NEURL4: variants seen among roughly 807,000 people sequenced by gnomAD.
NEURL4 encodes the protein neuralized-like protein 4.
In NEURL4, 45 loss-of-function variants were observed where a neutral mutation model predicts 148.0. That is an observed-to-expected ratio of 0.30 (90% CI 0.24 to 0.39). The LOEUF is 0.39. Among genes scored for constraint, NEURL4 ranks in the 10% least tolerant of loss-of-function variants. The pLI is 1.00. For synonymous variants in NEURL4, 854 were observed against 869.0 expected (o/e 0.98, Z 0.30); for missense variants, 1,776 against 2,144.0 (o/e 0.83, Z 3.39).
Position 7,326,605 on chromosome 17 carries a change from C to T in NEURL4, c.1093-57G>A. 6.2e-7 allele frequency: 1 copy of T among 1,605,630 alleles called. No homozygotes were observed. On this transcript the variant is annotated intron_variant, in intron 4 of 28. Coordinates refer to ENST00000399464, the MANE Select transcript of NEURL4 (RefSeq NM_032442.3). The surrounding 1 kb of genome is among the most constrained non-coding windows in gnomAD (Gnocchi z 6.0). Reference sequence around the variant, plus strand: ...GAATGTAAATGCAGAAAGGGACCTTCAGCCCTTGGTTCTTCCCCAGGGCCC... The same window carrying T: ...GAATGTAAATGCAGAAAGGGACCTTTAGCCCTTGGTTCTTCCCCAGGGCCC...
chr17:7,323,028 C>T lies in NEURL4; in HGVS notation c.2513G>A (p.Arg838Gln), dbSNP rs770414399. ...LGTGARIGMM[R>Q]TAKGDLHYFI... Reference sequence around the variant, plus strand: ...GTAGTGCAGGTCGCCCTTGGCAGTTCGCATCATGCCAATGCGTGCACCTGT... The same window carrying T: ...GTAGTGCAGGTCGCCCTTGGCAGTTTGCATCATGCCAATGCGTGCACCTGT... Residue 838 changes from arginine to glutamine, a missense_variant, in exon 15 of 29, where the codon CGA becomes CAA. Physicochemically the swap from Arg to Gln is conservative, Grantham distance 43 (BLOSUM62 1). Transcript: ENST00000399464. The T allele has an allele frequency of 3.7e-6, 6 of 1,613,722 alleles. No homozygotes were observed. The highest frequency in any genetic ancestry group is 2.2e-5 in the South Asian group (2 of 91,086).
chr17:7,321,819 G>C lies in NEURL4; in HGVS notation c.2872-32C>G. ...GACAGAGAAAACATAAGCTGGCCCTGTCGTGATGGGCCTCGCAGCCCCTCT... is the reference window on the plus strand; with the variant it reads ...GACAGAGAAAACATAAGCTGGCCCTCTCGTGATGGGCCTCGCAGCCCCTCT... On this transcript the variant is annotated intron_variant, in intron 17 of 28. Transcript: ENST00000399464. This position sits in a 1 kb window ranked among gnomAD's most constrained non-coding sequence, Gnocchi z 6.3. 1 of 1,611,996 alleles carries C rather than the reference G, an allele frequency of 6.2e-7. No individual in the cohort carries two copies. The highest frequency in any genetic ancestry group is 8.5e-7 in the Non-Finnish European group (1 of 1,178,612).
In NEURL4 at chr17:7,324,260, G is replaced by A. The variant is rs867013043; in HGVS notation, c.1910C>T (p.Thr637Met). Residue 637 changes from threonine (T) to methionine (M), a missense_variant, in exon 11 of 29, where the codon ACG becomes ATG. By Grantham distance (81) the Thr-to-Met change is moderately conservative (BLOSUM62 -1). Transcript: ENST00000399464. The surrounding 1 kb of genome is among the most constrained non-coding windows in gnomAD (Gnocchi z 5.9). ...GTCCTCCCGCCGTACCACGCCCACC[G>A]TGTCCCCTGCCTTGGAAGAAGGGGG... Reference protein sequence around the residue: ...HNLDRLKAGDTVGVVRREDGT... With the variant: ...HNLDRLKAGDMVGVVRREDGT... The A allele has an allele frequency of 8.1e-6, 13 of 1,613,910 alleles. No individual in the cohort carries two copies. The highest frequency in any genetic ancestry group is 3.3e-4 in the Middle Eastern group (2 of 6,084).
rs988044563 is a variant in NEURL4, at chr17:7,327,500, C to T, written c.667G>A (p.Glu223Lys). 9 of 1,588,674 alleles carry T rather than the reference C, an allele frequency of 5.7e-6. No homozygotes were observed. The highest frequency in any genetic ancestry group is 1.7e-5 in the Admixed American group (1 of 58,738). ...PPTPIPTPPL[E>K]PLAPTEDSAL... ...GAGTCTTCAGTGGGGGCCAAGGGCTCGAGGGGAGGTGTGGGGATGGGAGTA... is the reference window on the plus strand; with the variant it reads ...GAGTCTTCAGTGGGGGCCAAGGGCTTGAGGGGAGGTGTGGGGATGGGAGTA... Residue 223 changes from glutamate (E) to lysine (K), a missense_variant, in exon 2 of 29, where the codon GAG becomes AAG. Glu to Lys is a moderately conservative substitution (Grantham distance 56). Transcript: ENST00000399464. This position sits in a 1 kb window ranked among gnomAD's most constrained non-coding sequence, Gnocchi z 6.6.
At position 7,323,090 on chromosome 17, in the gene NEURL4, C is replaced by T. The variant is rs1371738853; in HGVS notation, c.2451G>A (p.Met817Ile). The T allele has an allele frequency of 1.2e-6, 2 of 1,613,704 alleles. No homozygotes were observed. The highest frequency in any genetic ancestry group is 3.3e-5 in the Admixed American group (2 of 60,008). ...GTAIMQDGNT[M>I]RNNYGCDLDA... is the part of the protein sequence containing the mutation. ...CCAGGTCACACCCATAATTGTTGCG[C>T]ATCGTGTTACCGTCTTGCATGATGG... Residue 817 changes from methionine (M) to isoleucine (I), a missense_variant, in exon 15 of 29, where the codon ATG (methionine) becomes ATA (isoleucine). Met to Ile is a conservative substitution (Grantham distance 10). Coordinates refer to ENST00000399464, the MANE Select transcript of NEURL4 (RefSeq NM_032442.3).
intron 8 of NEURL4, 50 bp from the exon 9 acceptor site, chr17:7,325,030 G>A (rs1376179811): frequency 1.2e-6 from 2 of 1,602,056 alleles, no homozygotes; most frequent in African/African-American, 1.3e-5. Context: ...CGCTCTCAAT[G>A]TGCCAAGGCT....
Position 7,317,386 on chromosome 17 carries a change from G to A in NEURL4, c.4319-16C>T, listed in dbSNP as rs1207875576. On this transcript the variant is annotated splice_polypyrimidine_tract_variant and intron_variant, in intron 27 of 28. Coordinates refer to ENST00000399464, the MANE Select transcript of NEURL4 (RefSeq NM_032442.3). ...GAGGCAGTACCTGGGAGGAGAACTG[G>A]GTCAGGATAGCCCTTTTTATTCCTC... 1.3e-6 allele frequency: 2 copies of A among 1,597,284 alleles called. No homozygotes were observed. The highest frequency in any genetic ancestry group is 4.5e-5 in the East Asian group (2 of 44,768).
At chr17:7,316,586 C>T (rs1164215464) in intron 28 of NEURL4, among the ~76,000 whole-genome samples, 1 of 152,208 alleles carries the variant, frequency 6.6e-6, no homozygotes, top group Non-Finnish European at 1.5e-5. Flanking sequence ...GCTGTCTCCG[C>T]CCCATTCTTT....
In NEURL4 at chr17:7,322,712, C is replaced by T. The variant is rs1349909534; in HGVS notation, c.2725+23G>A. On this transcript the variant is annotated intron_variant, in intron 16 of 28. Coordinates refer to ENST00000399464, the MANE Select transcript of NEURL4 (RefSeq NM_032442.3). This position sits in a 1 kb window ranked among gnomAD's most constrained non-coding sequence, Gnocchi z 5.5. ...GCACAGCAGGCAAGCAGAGCCCGTC[C>T]AGCCCCCGCCCTGCTGCCGCACCTG... 1.9e-6 allele frequency: 3 copies of T among 1,605,828 alleles called. No homozygotes were observed. Among genetic ancestry groups the T allele is most frequent in the Non-Finnish European group, 2.5e-6 (3 of 1,178,484 alleles).
rs2072977894 is a variant in NEURL4 at position 7,318,223 on chromosome 17, G to A, written c.3952+46C>T. 13 of 1,611,354 alleles carry A rather than the reference G, an allele frequency of 8.1e-6. No individual in the cohort carries two copies. The highest frequency in any genetic ancestry group is 9.3e-6 in the Non-Finnish European group (11 of 1,177,614). On this transcript the variant is annotated intron_variant, in intron 24 of 28. Coordinates refer to ENST00000399464, the MANE Select transcript of NEURL4 (RefSeq NM_032442.3). This position sits in a 1 kb window ranked among gnomAD's most constrained non-coding sequence, Gnocchi z 4.3. ...ACAGGAGCTGGGCTAGAAGGGTGAG[G>A]GTGGGGGAGTAGGGGCAGGAGCTGG... is the stretch of plus-strand genomic sequence containing the variant.
rs189295422 is a variant in NEURL4, at chr17:7,321,129, C to T, written c.3343G>A (p.Glu1115Lys). 53 of 1,613,754 alleles carry T rather than the reference C, an allele frequency of 3.3e-5. No individual in the cohort carries two copies. The highest frequency in any genetic ancestry group is 1.3e-4 in the Admixed American group (8 of 60,016). Residue 1115 changes from glutamate (E) to lysine (K), a missense_variant, in exon 20 of 29, where the codon GAG becomes AAG. Transcript: ENST00000399464. This position sits in a 1 kb window ranked among gnomAD's most constrained non-coding sequence, Gnocchi z 6.3. ...GSEGEEDDEG[E>K]EHGLGGQNEV... ...CCTCTTACTCCCAGGCCATGCTCCT[C>T]GCCCTCGTCATCCTCCTCGCCCTCA...
Position 7,326,216 on chromosome 17 carries a change from C to T in NEURL4, c.1293+39G>A, listed in dbSNP as rs753176476. On this transcript the variant is annotated intron_variant, in intron 6 of 28. Transcript: ENST00000399464. This position sits in a 1 kb window ranked among gnomAD's most constrained non-coding sequence, Gnocchi z 6.0. ...GCAGGGACACAGAGTACCTGTGGCT[C>T]TGCTGAAAGCGGCCCAGGGATCTGT... 7.5e-6 allele frequency: 12 copies of T among 1,596,024 alleles called. No homozygotes were observed. In the Admixed American group the frequency reaches 1.0e-4, roughly 13 times the overall value.
Position 7,324,361 on chromosome 17 carries a change from C to T in NEURL4, c.1899+34G>A, listed in dbSNP as rs778489255. 1 of 1,613,988 alleles carries T rather than the reference C, an allele frequency of 6.2e-7. No homozygotes were observed. The highest frequency in any genetic ancestry group is 1.1e-5 in the South Asian group (1 of 91,086). ...AGCCCCGCGGTGTTTGTGATGCCCGCTGCGGCCGCCAGGCGGCGCACCCAC... is the reference window on the plus strand; with the variant it reads ...AGCCCCGCGGTGTTTGTGATGCCCGTTGCGGCCGCCAGGCGGCGCACCCAC... On this transcript the variant is annotated intron_variant, in intron 10 of 28. Coordinates refer to ENST00000399464, the MANE Select transcript of NEURL4 (RefSeq NM_032442.3). The surrounding 1 kb of genome is among the most constrained non-coding windows in gnomAD (Gnocchi z 5.9).
Position 7,327,331 on chromosome 17 carries a change from C to A in NEURL4, c.728-101G>T. ...ATCCTCTAGCTCCTGCTCTCCCATT[C>A]AACAGACTTGGGGATCAGGGTGGCC... On this transcript the variant is annotated intron_variant, in intron 2 of 28. Transcript: ENST00000399464. This position sits in a 1 kb window ranked among gnomAD's most constrained non-coding sequence, Gnocchi z 6.6. 2 of 1,449,910 alleles carry A rather than the reference C, an allele frequency of 1.4e-6. No homozygotes were observed. The highest frequency in any genetic ancestry group is 2.7e-5 in the South Asian group (2 of 74,744). 89.8% of individuals were successfully genotyped at this position (1,449,910 alleles called of 1,614,324 possible).
intron 21 of NEURL4, among the ~76,000 whole-genome samples, 168 bp from the exon 22 acceptor site, chr17:7,319,376 T>C (rs1419634250): frequency 3.0e-5 from 1 of 33,536 alleles, no homozygotes; most frequent in Non-Finnish European, 7.1e-5. Flanking sequence ...CTTTCCCTCT[T>C]TTTTTTTTTT....
At position 7,322,186 on chromosome 17, in the gene NEURL4, C is replaced by T. The variant is rs1475450100; in HGVS notation, c.2726-176G>A. Among the ~76,000 whole-genome samples the T allele has an allele frequency of 6.6e-6, 1 of 152,176 alleles. No individual in the cohort carries two copies. The highest frequency in any genetic ancestry group is 2.4e-5 in the African/African-American group (1 of 41,430). ...TTATTGTATTTTGTTGAGGCAGAGTCTCGCTCTGTCACTCAGGCTGGAGTG... is the reference window on the plus strand; with the variant it reads ...TTATTGTATTTTGTTGAGGCAGAGTTTCGCTCTGTCACTCAGGCTGGAGTG... On this transcript the variant is annotated intron_variant, in intron 16 of 28. Transcript: ENST00000399464. This position sits in a 1 kb window ranked among gnomAD's most constrained non-coding sequence, Gnocchi z 5.5.
rs764959103 is a variant in NEURL4, at chr17:7,319,112, A to C, written c.3622T>G (p.Cys1208Gly). ...PERLNFPASA[C>G]ALKRAAWLLR... ...AGCCAGGCTGCCCGTTTGAGGGCAC[A>C]GGCAGAAGCAGGGAAGTTGAGCCTC... Residue 1208 changes from cysteine (C) to glycine (G), a missense_variant, in exon 22 of 29, where the codon TGT becomes GGT. Transcript: ENST00000399464. 8 of 1,614,128 alleles carry C rather than the reference A, an allele frequency of 5.0e-6. No homozygotes were observed. The highest frequency in any genetic ancestry group is 5.9e-6 in the Non-Finnish European group (7 of 1,179,998).
chr17:7,316,102 G>C lies in NEURL4; in HGVS notation c.*21C>G. The C allele has an allele frequency of 8.0e-7, 1 of 1,248,176 alleles. No homozygotes were observed. Among genetic ancestry groups the C allele is most frequent in the Admixed American group, 1.7e-5 (1 of 59,576 alleles). 77.3% of individuals were successfully genotyped at this position (1,248,176 alleles called of 1,614,324 possible). A position where few individuals can be genotyped will look rare whatever the true frequency, so the allele number is the denominator to read the frequency against. ...ATGGGCCCGCGGCCCGACTGTGCTT[G>C]TAGTAGTGGTGTCTCACCCCTCATT... On this transcript the variant is annotated 3_prime_UTR_variant, in exon 29 of 29. Coordinates refer to ENST00000399464, the MANE Select transcript of NEURL4 (RefSeq NM_032442.3).
rs11655578 is a variant in NEURL4, at chr17:7,327,526, G to T, written c.641C>A (p.Pro214His). Residue 214 changes from proline (P) to histidine (H), a missense_variant, in exon 2 of 29, where the codon CCT becomes CAT. Transcript: ENST00000399464. This position sits in a 1 kb window ranked among gnomAD's most constrained non-coding sequence, Gnocchi z 6.6. ...VLPPEPGFSP[P>H]TPIPTPPLEP... is the part of the protein sequence containing the mutation. Reference sequence around the variant, plus strand: ...GAGGGGAGGTGTGGGGATGGGAGTAGGGGGGCTGAAGCCTGGCTCAGGGGG... The same window carrying T: ...GAGGGGAGGTGTGGGGATGGGAGTATGGGGGCTGAAGCCTGGCTCAGGGGG... 0.2 allele frequency: 316,223 copies of T among 1,605,674 alleles called. 33,278 individuals carry two copies. The highest frequency in any genetic ancestry group is 0.25 in the South Asian group (22,509 of 90,062).
Sources: allele counts gnomAD v4.1 joint callset (sites outside exome capture counted in the v4.1 genomes callset), GRCh38; gene constraint gnomAD v4.1.1; non-coding constraint Gnocchi (gnomAD v3.1); transcripts MANE v1.5; gene names NCBI Gene and HGNC (gene_info 2026-07-23, HGNC 2026-07-21).